The following CFAP299 variants were observed in gnomAD, a reference collection of about 807,000 sequenced individuals.
CFAP299 encodes the protein cilia- and flagella-associated protein 299.
A neutral mutation model predicts 27.0 loss-of-function variants in CFAP299; 21 were observed. That is an observed-to-expected ratio of 0.78 (90% CI 0.55 to 1.12). CFAP299 has a LOEUF of 1.12. Among genes scored for constraint, CFAP299 ranks in the 50% most tolerant of loss-of-function variants. The pLI, the probability that CFAP299 is intolerant of heterozygous loss-of-function variation, is 0.00. For missense variants in CFAP299, 310 were observed against 276.6 expected (o/e 1.12, Z -0.86); for synonymous variants, 104 against 98.1 (o/e 1.06, Z -0.36).
intron 3 of CFAP299, among the ~76,000 whole-genome samples, chr4:80,868,506 T>C (rs1732878986): frequency 6.6e-6 from 1 of 152,200 alleles, no homozygotes; most frequent in Admixed American, 6.5e-5. Context: ...ATAAGTTCTA[T>C]GCGCCTCTAT....
chr4:80,601,556 G>A (rs1737350303), intron 3 of CFAP299, among the ~76,000 whole-genome samples: 1 of 152,196 alleles, frequency 6.6e-6, no homozygotes. Context: ...ATACTGGAAT[G>A]ATGGCTTAGT....
chr4:80,577,906 T>G (rs1431756837), intron 2 of CFAP299, among the ~76,000 whole-genome samples: 1 of 152,214 alleles, frequency 6.6e-6, no homozygotes, highest in African/African-American at 2.4e-5. Context: ...TCGTTTTGAG[T>G]GTTAAGCTAA....
rs541311599 is a variant in CFAP299, at chr4:80,400,080, T to C, written c.242+37196T>C. 1.5e-3 allele frequency among the ~76,000 whole-genome samples: 235 copies of C among 152,356 alleles called. 1 individual carries two copies. The highest frequency in any genetic ancestry group is 5.3e-3 in the African/African-American group (222 of 41,592). On this transcript the variant is annotated intron_variant, in intron 2 of 5. Coordinates refer to ENST00000358105, the MANE Select transcript of CFAP299 (RefSeq NM_152770.3). ...GTTATAAGTTTTGAAATGTGTGCTTTACTTACTTTATATATTGTCTGTCTC... is the reference window on the plus strand; with the variant it reads ...GTTATAAGTTTTGAAATGTGTGCTTCACTTACTTTATATATTGTCTGTCTC...
chr4:80,618,663 A>G (rs1184464669), intron 3 of CFAP299, among the ~76,000 whole-genome samples: 1 of 152,104 alleles, frequency 6.6e-6, no homozygotes, highest in African/African-American at 2.4e-5. Flanking sequence ...TTCTCTCTGA[A>G]GGATCTTGCA....
intron 2 of CFAP299, among the ~76,000 whole-genome samples, chr4:80,560,474 C>T (rs749753613): frequency 3.3e-5 from 5 of 152,024 alleles, no homozygotes; most frequent in Non-Finnish European, 7.4e-5. Flanking sequence ...TAGGTACCAG[C>T]ATAGCCACAG....
chr4:80,489,775 G>A (rs546587582), intron 2 of CFAP299, among the ~76,000 whole-genome samples: 8 of 152,214 alleles, frequency 5.3e-5, no homozygotes, highest in African/African-American at 1.7e-4. Context: ...CATGCATATC[G>A]TTATGATCTC....
At chr4:80,560,919 T>C (rs759131933) in intron 2 of CFAP299, among the ~76,000 whole-genome samples, 53 of 152,164 alleles carry the variant, frequency 3.5e-4, no homozygotes, top group Non-Finnish European at 5.9e-4. Context: ...CACAGACCTG[T>C]CTGGCTTTGC....
the CFAP299 span, among the ~76,000 whole-genome samples, chr4:80,323,015 A>G: frequency 3.3e-5 from 5 of 152,248 alleles, no homozygotes; most frequent in African/African-American, 1.2e-4. Context: ...CAGAAGAAAA[A>G]TACATCCTCA....
chr4:80,390,537 GTATACACACA>G (rs1725287335), intron 2 of CFAP299, among the ~76,000 whole-genome samples: 2 of 39,510 alleles, frequency 5.1e-5, no homozygotes, highest in East Asian at 9.5e-4. Context: ...ATGTATATAT[GTATACACACA>G]TATATGTATA....
At chr4:80,606,550 T>C (rs920898166) in intron 3 of CFAP299, among the ~76,000 whole-genome samples, 5 of 152,122 alleles carry the variant, frequency 3.3e-5, no homozygotes, top group African/African-American at 1.2e-4. Flanking sequence ...AAAAAAGATA[T>C]GTAGCCATAG....
Position 80,909,177 on chromosome 4 carries a change from CT to C in CFAP299, c.477-35623del, listed in dbSNP as rs531249182. 5.0e-3 allele frequency among the ~76,000 whole-genome samples: 741 copies of C among 148,868 alleles called. 5 individuals carry two copies. Among genetic ancestry groups the C allele is most frequent in the Middle Eastern group, 0.014 (4 of 288 alleles). On this transcript the variant is annotated intron_variant, in intron 4 of 5. Transcript: ENST00000358105. ...AATTCAGATCTGTATTACCAATTGC[CT>C]TTTTTTTTTCTACTACTTAACTACG...
At chr4:80,921,654 A>T (rs527395494) in intron 4 of CFAP299, among the ~76,000 whole-genome samples, 5 of 152,192 alleles carry the variant, frequency 3.3e-5, no homozygotes, top group African/African-American at 9.6e-5. Flanking sequence ...ATTGTGACTC[A>T]TTCAAAGAAA....
intron 3 of CFAP299, among the ~76,000 whole-genome samples, chr4:80,615,695 C>A (rs1199038337): frequency 1.3e-5 from 2 of 152,036 alleles, no homozygotes; most frequent in Non-Finnish European, 2.9e-5. Flanking sequence ...AACCACCATG[C>A]CCTGCTTAGG....
At chr4:80,935,739 T>C (rs1205538748) in intron 4 of CFAP299, among the ~76,000 whole-genome samples, 1 of 152,076 alleles carries the variant, frequency 6.6e-6, no homozygotes, top group Non-Finnish European at 1.5e-5. Flanking sequence ...ACTTAAGAGC[T>C]TCTGCATGGC....
intron 2 of CFAP299, among the ~76,000 whole-genome samples, chr4:80,420,933 A>G (rs965255442): frequency 6.6e-6 from 1 of 152,148 alleles, no homozygotes; most frequent in African/African-American, 2.4e-5. Context: ...GTGCTGCACA[A>G]AAGGCCTTGG....
chr4:80,551,125 A>C (rs1734492070), intron 2 of CFAP299, among the ~76,000 whole-genome samples: 1 of 152,198 alleles, frequency 6.6e-6, no homozygotes, highest in Admixed American at 6.6e-5. Context: ...TAAAGTATAT[A>C]AGCAACAATA....
At chr4:80,692,431 G>A (rs1245746670) in intron 3 of CFAP299, among the ~76,000 whole-genome samples, 2 of 151,934 alleles carry the variant, frequency 1.3e-5, no homozygotes, top group Admixed American at 6.6e-5. Context: ...CCTGAGAAAA[G>A]CAAGCAATGG....
intron 2 of CFAP299, among the ~76,000 whole-genome samples, chr4:80,478,492 TA>T (rs1299844489): frequency 1.3e-5 from 2 of 152,160 alleles, no homozygotes; most frequent in African/African-American, 2.4e-5. Flanking sequence ...TAATTATTTT[TA>T]ATTAGCAATT....
chr4:80,442,995 G>A (rs112702082), intron 2 of CFAP299, among the ~76,000 whole-genome samples: 4 of 152,084 alleles, frequency 2.6e-5, no homozygotes, highest in East Asian at 1.9e-4. Context: ...AGGAGAAGTC[G>A]AATCCCTGAA....
Sources: allele counts gnomAD v4.1 joint callset (sites outside exome capture counted in the v4.1 genomes callset), GRCh38; gene constraint gnomAD v4.1.1; transcripts MANE v1.5; gene names NCBI Gene and HGNC (gene_info 2026-07-23, HGNC 2026-07-21).